Variants in STK32C observed in about 807,000 individuals in gnomAD.
The protein encoded by STK32C is serine/threonine kinase 32C.
In STK32C, 31 loss-of-function variants were observed where a neutral mutation model predicts 56.5. The ratio of observed to expected loss-of-function variants is 0.55; its 90% CI spans 0.41 to 0.74. The LOEUF is 0.74. Among genes scored for constraint, STK32C ranks in the 30% least tolerant of loss-of-function variants. STK32C has a pLI of 0.00. For synonymous variants in STK32C, 309 were observed against 289.4 expected (o/e 1.07, Z -0.69); for missense variants, 544 against 676.9 (o/e 0.80, Z 2.18).
intron 1 of STK32C, among the ~76,000 whole-genome samples, chr10:132,282,149 C>T (rs927632980): frequency 6.6e-6 from 1 of 152,218 alleles, no homozygotes; most frequent in Non-Finnish European, 1.5e-5. Context: ...CCACGCTACA[C>T]TTGGGAAGAG....
intron 3 of STK32C, 102 bp downstream of exon 3, chr10:132,227,875 A>T: frequency 6.9e-7 from 1 of 1,440,148 alleles, no homozygotes; most frequent in Non-Finnish European, 9.4e-7. Flanking sequence ...GGCATCTCCG[A>T]GGCACGAGGG....
At chr10:132,284,726 T>C (rs1397195793) in intron 1 of STK32C, among the ~76,000 whole-genome samples, 440 of 63,478 alleles carry the variant, frequency 6.9e-3, no homozygotes, top group Admixed American at 0.011. Flanking sequence ...GAACACATTC[T>C]CACACGTGCC....
upstream of STK32C, among the ~76,000 whole-genome samples, chr10:132,309,924 A>G (rs149231707): frequency 0.014 from 2,194 of 152,334 alleles, 44 homozygotes; most frequent in South Asian, 0.045. Flanking sequence ...ACATGTTAAT[A>G]GACTTCAGAC....
chr10:132,246,170 C>G (rs954671516), intron 1 of STK32C, among the ~76,000 whole-genome samples: 1 of 152,236 alleles, frequency 6.6e-6, no homozygotes, highest in Non-Finnish European at 1.5e-5. Flanking sequence ...TCTTGCACGT[C>G]CTACTCCCAG....
chr10:132,299,724 C>T (rs1206201467), intron 1 of STK32C, among the ~76,000 whole-genome samples: 1 of 152,254 alleles, frequency 6.6e-6, no homozygotes, highest in Non-Finnish European at 1.5e-5. Context: ...GCTGATAAGT[C>T]ACTAGTGTAG....
At chr10:132,269,806 C>A (rs558182159) in intron 1 of STK32C, among the ~76,000 whole-genome samples, 1 of 152,196 alleles carries the variant, frequency 6.6e-6, no homozygotes, top group Non-Finnish European at 1.5e-5. Context: ...ACAGTGGGGG[C>A]AGTTCTCCCA....
chr10:132,234,731 C>T (rs1473800972), intron 2 of STK32C, among the ~76,000 whole-genome samples: 2 of 152,178 alleles, frequency 1.3e-5, no homozygotes, highest in East Asian at 3.9e-4. Flanking sequence ...CTGGCTGCCT[C>T]GAGCCTGTGG....
chr10:132,299,655 G>A (rs1303904651), intron 1 of STK32C, among the ~76,000 whole-genome samples: 2 of 152,236 alleles, frequency 1.3e-5, no homozygotes, highest in African/African-American at 4.8e-5. Context: ...AGAGACACCC[G>A]TCCCCACTAG....
chr10:132,230,958 T>A (rs918220520), intron 2 of STK32C, among the ~76,000 whole-genome samples: 7 of 152,232 alleles, frequency 4.6e-5, no homozygotes, highest in Admixed American at 1.3e-4. Context: ...GCACCTGGGC[T>A]TCCCGTGCCC....
chr10:132,331,952 CAGGCGCACCACA>C, upstream of STK32C: 3 of 552,646 alleles, frequency 5.4e-6, no homozygotes, highest in Non-Finnish European at 9.0e-6. Context: ...CGCCCCAGCG[CAGGCGCACCACA>C]CCCCGCCCCC....
chr10:132,295,647 G>C (rs762683682), intron 1 of STK32C, among the ~76,000 whole-genome samples: 5 of 152,054 alleles, frequency 3.3e-5, no homozygotes, highest in African/African-American at 1.2e-4. Context: ...GCACTTCGGG[G>C]GGCCGAGGAG....
At chr10:132,243,001 G>A (rs749150381) in intron 2 of STK32C, among the ~76,000 whole-genome samples, 24 of 152,254 alleles carry the variant, frequency 1.6e-4, no homozygotes, top group Non-Finnish European at 2.6e-4. Context: ...ACAGGCCAGA[G>A]GGGCCGGGGC....
At chr10:132,230,362 A>G (rs926656989) in intron 2 of STK32C, among the ~76,000 whole-genome samples, 31 of 152,102 alleles carry the variant, frequency 2.0e-4, no homozygotes, top group African/African-American at 7.5e-4. Context: ...TCCCATGCAC[A>G]CGGCCGCAGG....
chr10:132,297,493 C>T (rs1564788265), intron 1 of STK32C, among the ~76,000 whole-genome samples: 1 of 152,244 alleles, frequency 6.6e-6, no homozygotes, highest in Non-Finnish European at 1.5e-5. Context: ...GGGTCCAATG[C>T]TTTCTTCAGA....
intron 7 of STK32C, 79 bp from the exon 8 acceptor site, chr10:132,224,602 C>T (rs1023558509): frequency 2.3e-4 from 252 of 1,086,428 alleles, no homozygotes; most frequent in Non-Finnish European, 2.7e-4. Context: ...CAGGTGCCAT[C>T]GCCCTGAGAG....
chr10:132,245,798 C>T, intron 2 of STK32C, 102 bp downstream of exon 2: 1 of 1,231,590 alleles, frequency 8.1e-7, no homozygotes, highest in Admixed American at 1.9e-5. Flanking sequence ...GCTGCTTCTC[C>T]CAAGGAGGAT....
At position 132,224,288 on chromosome 10, in the gene STK32C, T is replaced by C. The variant is rs568578031; in HGVS notation, c.993+119A>G. 438 of 745,334 alleles carry C rather than the reference T, an allele frequency of 5.9e-4. 2 individuals are homozygous for C. The highest frequency in any genetic ancestry group is 8.7e-4 in the Non-Finnish European group (381 of 440,220). The allele number at this position is 745,334 out of a possible 1,614,324, so 46.2% of individuals were successfully genotyped here. On this transcript the variant is annotated intron_variant, in intron 8 of 11. Transcript: ENST00000298630. Reference sequence around the variant, plus strand: ...GCCCCCACAGGTTGCAGTGAAGGGATCTGTGCCTGCCAGGAAGCGGCACTA... The same window carrying C: ...GCCCCCACAGGTTGCAGTGAAGGGACCTGTGCCTGCCAGGAAGCGGCACTA...
intron 1 of STK32C, among the ~76,000 whole-genome samples, chr10:132,313,121 C>A (rs2066250855): frequency 6.6e-6 from 1 of 152,178 alleles, no homozygotes; most frequent in African/African-American, 2.4e-5. Context: ...TCTCCTGATA[C>A]CCCCTCCCTT....
At chr10:132,330,518 C>CT (rs71694648) in intron 1 of STK32C, 10 of 699,924 alleles carry the variant, frequency 1.4e-5, no homozygotes, top group Admixed American at 4.1e-5. Flanking sequence ...TGTACGAAAA[C>CT]TTTTTTTTTG....
Sources: allele counts gnomAD v4.1 joint callset (sites outside exome capture counted in the v4.1 genomes callset), GRCh38; gene constraint gnomAD v4.1.1; transcripts MANE v1.5; gene names NCBI Gene and HGNC (gene_info 2026-07-23, HGNC 2026-07-21).